Variants in KNG1 observed in about 807,000 individuals in gnomAD.
The protein encoded by KNG1 is kininogen-1.
A neutral mutation model predicts 47.8 loss-of-function variants in KNG1; 23 were observed. That is an observed-to-expected ratio of 0.48 (90% confidence interval 0.35 to 0.68). The LOEUF (loss-of-function observed/expected upper bound fraction) is 0.68, where lower values mean the gene tolerates loss of function less well. Among genes scored for constraint, KNG1 ranks in the 30% least tolerant of loss-of-function variants. The pLI is 0.01. For missense variants in KNG1, 762 were observed against 790.2 expected, an observed-to-expected ratio of 0.96 and a Z score of 0.43; for synonymous variants, 277 against 277.0, an observed-to-expected ratio of 1.00 and a Z score of 0.00.
intron 3 of KNG1, among the ~76,000 whole-genome samples, chr3:186,724,315 G>A (rs574615180): frequency 1.3e-5 from 2 of 152,340 alleles, no homozygotes; most frequent in African/African-American, 4.8e-5. Context: ...CCCTCCAGGT[G>A]TGCCACTCAC....
intron 9 of KNG1, among the ~76,000 whole-genome samples, chr3:186,740,494 G>A (rs750178498): frequency 1.3e-5 from 2 of 152,122 alleles, no homozygotes; most frequent in East Asian, 1.9e-4. Flanking sequence ...GGGTCTGGCC[G>A]GACTCCAATG....
Position 186,717,462 on chromosome 3 carries a change from G to A in KNG1, c.-81G>A. The A allele has an allele frequency of 9.5e-7, 1 of 1,054,422 alleles. No homozygotes were observed. The highest frequency in any genetic ancestry group is 1.3e-5 in the South Asian group (1 of 78,708). The allele number at this position is 1,054,422 out of a possible 1,614,324, so 65.3% of individuals were successfully genotyped here. A position where few individuals can be genotyped will look rare whatever the true frequency, so the allele number is the denominator to read the frequency against. On this transcript the variant is annotated 5_prime_UTR_variant, in exon 1 of 10. Coordinates refer to ENST00000644859, the MANE Select transcript of KNG1 (RefSeq NM_001102416.3). Reference sequence around the variant, plus strand: ...AGGACAGAAGAAACAAGAGGCTGGAGATTGTCAAATTCAGTATCCCAGTTG... The same window carrying A: ...AGGACAGAAGAAACAAGAGGCTGGAAATTGTCAAATTCAGTATCCCAGTTG...
At chr3:186,732,424 C>T in intron 6 of KNG1, 78 bp from the exon 7 acceptor site, 1 of 1,372,958 alleles carries the variant, frequency 7.3e-7, no homozygotes, top group African/African-American at 1.4e-5. Flanking sequence ...CATGTGGATG[C>T]TGGTTCTTGT....
chr3:186,732,462 A>G, intron 6 of KNG1, 40 bp from the exon 7 acceptor site: 1 of 1,597,498 alleles, frequency 6.3e-7, no homozygotes, highest in Non-Finnish European at 8.6e-7. Context: ...CCAGGCTGCT[A>G]CTTCAGTGTA....
chr3:186,741,805 G>T lies in KNG1; in HGVS notation c.1409G>T (p.Gly470Val), dbSNP rs746688936. The T allele has an allele frequency of 1.6e-5, 26 of 1,613,862 alleles. No individual in the cohort carries two copies. The highest frequency in any genetic ancestry group is 2.0e-5 in the Non-Finnish European group (24 of 1,179,956). ...GGCCATGGACACGAACAACAGCATG[G>T]TCTTGGTCATGGACATAAGTTCAAA... Reference protein sequence around the residue: ...GLGHGHEQQHGLGHGHKFKLD... With the variant: ...GLGHGHEQQHVLGHGHKFKLD... Residue 470 changes from glycine to valine, a missense_variant, in exon 10 of 10, where the codon GGT becomes GTT. By Grantham distance (109) the Gly-to-Val change is moderately radical. Coordinates refer to ENST00000644859, the MANE Select transcript of KNG1 (RefSeq NM_001102416.3).
chr3:186,741,773 T>C lies in KNG1; in HGVS notation c.1377T>C (p.His459=). ...RDQGHGHQRG[H]GLGHGHEQQH... is the part of the protein sequence containing the mutation. ...AAGGGCATGGGCACCAAAGAGGACA[T>C]GGCCTTGGCCATGGACACGAACAAC... The change falls in exon 10 of 10, where the codon CAT becomes CAC. Residue 459 remains histidine (H), a synonymous_variant. Transcript: ENST00000644859. 6.2e-7 allele frequency: 1 copy of C among 1,614,046 alleles called. No homozygotes were observed. Among genetic ancestry groups the C allele is most frequent in the Non-Finnish European group, 8.5e-7 (1 of 1,179,996 alleles).
At chr3:186,741,040 C>T (rs1720797605) in intron 9 of KNG1, among the ~76,000 whole-genome samples, 1 of 151,652 alleles carries the variant, frequency 6.6e-6, no homozygotes, top group Non-Finnish European at 1.5e-5. Flanking sequence ...GTCGCCTAGG[C>T]TGGAGTGCAG....
At chr3:186,737,537 G>A (rs533138679) in intron 7 of KNG1, among the ~76,000 whole-genome samples, 82 of 151,956 alleles carry the variant, frequency 5.4e-4, no homozygotes, top group African/African-American at 2.0e-3. Context: ...TTGTTTAGTT[G>A]TTTTTTGTTT....
At chr3:186,733,446 C>A (rs1720592574) in intron 7 of KNG1, among the ~76,000 whole-genome samples, 1 of 152,066 alleles carries the variant, frequency 6.6e-6, no homozygotes, top group African/African-American at 2.4e-5. Flanking sequence ...TGTCTTTCAC[C>A]TACTGTTCTC....
At chr3:186,719,516 G>C (rs373617598) in intron 1 of KNG1, among the ~76,000 whole-genome samples, 1 of 152,124 alleles carries the variant, frequency 6.6e-6, no homozygotes, top group Non-Finnish European at 1.5e-5. Flanking sequence ...CAAGGCGGGG[G>C]GATCACGAAG....
At chr3:186,737,934 A>G (rs1356744008) in intron 7 of KNG1, among the ~76,000 whole-genome samples, 3 of 151,928 alleles carry the variant, frequency 2.0e-5, no homozygotes, top group African/African-American at 7.3e-5. Context: ...TTAATGGAAG[A>G]TAGTGTTGAG....
At chr3:186,739,302 C>G in intron 8 of KNG1, 26 bp from the exon 9 acceptor site, 3 of 1,599,410 alleles carry the variant, frequency 1.9e-6, no homozygotes, top group Non-Finnish European at 2.6e-6. Flanking sequence ...CACTGTCTCT[C>G]TTTCGACTTC....
chr3:186,743,894 T>C lies in KNG1; in HGVS notation c.*1563T>C. The C allele has an allele frequency of 1.3e-6, 1 of 782,534 alleles. No homozygotes were observed. Among genetic ancestry groups the C allele is most frequent in the Non-Finnish European group, 2.3e-6 (1 of 440,574 alleles). 48.5% of individuals were successfully genotyped at this position (782,534 alleles called of 1,614,324 possible). On this transcript the variant is annotated 3_prime_UTR_variant, in exon 10 of 10. Coordinates refer to ENST00000644859, the MANE Select transcript of KNG1 (RefSeq NM_001102416.3). The stretch of plus-strand genomic sequence containing the variant: ...GGGATAGAATTTAAATAGAGAAGAA[T>C]GCCATTTTATCACTCTGCCTCTGGG...
chr3:186,740,092 A>G (rs1018530810), intron 9 of KNG1, among the ~76,000 whole-genome samples: 2 of 151,966 alleles, frequency 1.3e-5, no homozygotes, highest in Non-Finnish European at 2.9e-5. Flanking sequence ...CGCAAACCCC[A>G]CTTCACAGCT....
Position 186,742,260 on chromosome 3 carries a change from G to A in KNG1, c.1864G>A (p.Val622Ile). The change falls in exon 10 of 10, where the codon GTT becomes ATT. Residue 622 changes from valine (V) to isoleucine (I), a missense_variant. Val to Ile is a conservative substitution (Grantham distance 29). Transcript: ENST00000644859. ...ATGTCCTGGACGCCCCTGGAAGTCAGTTAGTGAAATTAATCCAACCACACA... is the reference window on the plus strand; with the variant it reads ...ATGTCCTGGACGCCCCTGGAAGTCAATTAGTGAAATTAATCCAACCACACA... Reference protein sequence around the residue: ...PKCPGRPWKSVSEINPTTQMK... With the variant: ...PKCPGRPWKSISEINPTTQMK... 6.2e-7 allele frequency: 1 copy of A among 1,613,672 alleles called. No individual in the cohort carries two copies. Among genetic ancestry groups the A allele is most frequent in the South Asian group, 1.1e-5 (1 of 91,014 alleles).
At position 186,738,310 on chromosome 3, in the gene KNG1, A is replaced by G. The variant is rs145208550; in HGVS notation, c.931-789A>G. ...ATTTCTTAATATTAAAAATAGTAAGAGAACAATAAAAACCCCAAATAATTT... is the reference window on the plus strand; with the variant it reads ...ATTTCTTAATATTAAAAATAGTAAGGGAACAATAAAAACCCCAAATAATTT... On this transcript the variant is annotated intron_variant, in intron 7 of 9. Coordinates refer to ENST00000644859, the MANE Select transcript of KNG1 (RefSeq NM_001102416.3). 278 of 152,318 alleles carry G rather than the reference A, an allele frequency of 1.8e-3. 1 individual carries two copies. Among genetic ancestry groups the G allele is most frequent in the African/African-American group, 6.3e-3 (260 of 41,582 alleles). The allele number at this position is 152,318 out of a possible 1,614,324, so 9.4% of individuals were successfully genotyped here. A position where few individuals can be genotyped will look rare whatever the true frequency, so the allele number is the denominator to read the frequency against.
chr3:186,717,866 CCCA>C (rs1240531909), intron 1 of KNG1, 129 bp downstream of exon 1: 409 of 282,484 alleles, frequency 1.4e-3, no homozygotes, highest in Non-Finnish European at 1.7e-3. Flanking sequence ...ACCACCATCA[CCCA>C]CCACCACCAC....
At chr3:186,733,242 CTAAA>C (rs10576660) in intron 7 of KNG1, among the ~76,000 whole-genome samples, 63,635 of 150,234 alleles carry the variant, frequency 0.42, 13,810 homozygotes, top group African/African-American at 0.52. Context: ...GAGACTCTGT[CTAAA>C]TAAATAAATA....
Position 186,742,086 on chromosome 3 carries a change from C to T in KNG1, c.1690C>T (p.Gln564Ter), listed in dbSNP as rs768876869. The change falls in exon 10 of 10, where the codon CAG becomes TAG. Residue 564 changes from glutamine (Q) to a stop codon, truncating the protein, a stop_gained. Coordinates refer to ENST00000644859, the MANE Select transcript of KNG1 (RefSeq NM_001102416.3). LOFTEE classifies it low-confidence loss of function (END_TRUNC). ...PGVTVTFSDF[Q>*]DSDLIATMMP... The stretch of plus-strand genomic sequence containing the variant: ...TGTAACAGTTACCTTTTCTGACTTT[C>T]AGGACTCTGATCTCATTGCAACTAT... 1 of 1,613,944 alleles carries T rather than the reference C, an allele frequency of 6.2e-7. No individual in the cohort carries two copies. Among genetic ancestry groups the T allele is most frequent in the East Asian group, 2.2e-5 (1 of 44,884 alleles).
Sources: gnomAD v4.1 joint callset for allele counts (sites outside exome capture counted in the v4.1 genomes callset) on GRCh38, gnomAD v4.1.1 for gene constraint, MANE v1.5 for transcripts, NCBI Gene and HGNC (gene_info 2026-07-23, HGNC 2026-07-21) for gene names.